Variants in PPM1H observed in about 807,000 individuals in gnomAD.
PPM1H encodes protein phosphatase, Mg2+/Mn2+ dependent 1H.
A neutral mutation model predicts 54.9 loss-of-function variants in PPM1H; 27 were observed. The observed-to-expected ratio is 0.49, with a 90% CI of 0.36 to 0.68. The LOEUF (loss-of-function observed/expected upper bound fraction) is 0.68. Among genes scored for constraint, PPM1H ranks in the 30% least tolerant of loss-of-function variants. The pLI is 0.00. For missense variants in PPM1H, 596 were observed against 667.8 expected, an observed-to-expected ratio of 0.89 and a Z score of 1.19; for synonymous variants, 305 against 270.8, an observed-to-expected ratio of 1.13 and a Z score of -1.24.
intron 4 of PPM1H, chr12:62,755,245 G>A: frequency 1.4e-6 from 1 of 723,142 alleles, no homozygotes; most frequent in South Asian, 1.4e-5. Context: ...GAAGATCAAA[G>A]TCAATGGATT....
chr12:62,737,383 C>T, intron 5 of PPM1H, 119 bp downstream of exon 5: 2 of 608,390 alleles, frequency 3.3e-6, no homozygotes, highest in Non-Finnish European at 2.8e-6. Context: ...GGAGTTAATA[C>T]CATATGTCAT....
chr12:62,680,290 T>TTACTTCCTTCCTC (rs1271200690), intron 8 of PPM1H, among the ~76,000 whole-genome samples: 130 of 147,240 alleles, frequency 8.8e-4, no homozygotes, highest in African/African-American at 3.1e-3. Context: ...CTTCCTTCCT[T>TTACTTCCTTCCTC]TACTTCCTTC....
chr12:62,931,754 C>A (rs905563681), intron 1 of PPM1H, among the ~76,000 whole-genome samples: 1 of 152,136 alleles, frequency 6.6e-6, no homozygotes, highest in Admixed American at 6.5e-5. Context: ...ATAGTGCCTA[C>A]CTCATTAGGC....
chr12:62,709,635 C>T (rs1041701739), intron 6 of PPM1H, among the ~76,000 whole-genome samples: 1 of 152,202 alleles, frequency 6.6e-6, no homozygotes, highest in African/African-American at 2.4e-5. Context: ...ACCACAGCCA[C>T]AGGCATTTTC....
At chr12:62,815,717 C>G (rs374375776) in intron 2 of PPM1H, among the ~76,000 whole-genome samples, 46 of 152,200 alleles carry the variant, frequency 3.0e-4, no homozygotes, top group African/African-American at 9.9e-4. Context: ...GAAATAGTAC[C>G]TGTTATAACC....
rs1265750986 is a variant in PPM1H at position 62,830,278 on chromosome 12, C to T, written c.411+1836G>A. Among the ~76,000 whole-genome samples, 16 of 151,844 alleles carry T rather than the reference C, an allele frequency of 1.1e-4. 1 individual carries two copies. The highest frequency in any genetic ancestry group is 5.8e-4 in the East Asian group (3 of 5,184). ...ATTTATTTATTTAATTTTTTTGAGA[C>T]GGAGTCTCGCTCTGTCACCCAGGCT... On this transcript the variant is annotated intron_variant, in intron 2 of 9. Coordinates refer to ENST00000228705, the MANE Select transcript of PPM1H (RefSeq NM_020700.2).
intron 6 of PPM1H, among the ~76,000 whole-genome samples, chr12:62,715,747 C>T (rs1225653043): frequency 6.6e-6 from 1 of 152,092 alleles, no homozygotes; most frequent in African/African-American, 2.4e-5. Context: ...AGAACTGGTC[C>T]TTTTGGGATC....
chr12:62,680,561 G>C (rs1481883951), intron 8 of PPM1H, among the ~76,000 whole-genome samples: 1 of 152,030 alleles, frequency 6.6e-6, no homozygotes, highest in Non-Finnish European at 1.5e-5. Flanking sequence ...AAACCACCTG[G>C]AGAGGCATGT....
intron 6 of PPM1H, among the ~76,000 whole-genome samples, chr12:62,699,487 T>C (rs551896986): frequency 1.3e-5 from 2 of 152,364 alleles, no homozygotes; most frequent in East Asian, 3.9e-4. Flanking sequence ...CGTAAGCCAC[T>C]ACACCGGGCA....
chr12:62,904,718 A>C (rs1456743547), intron 1 of PPM1H, among the ~76,000 whole-genome samples: 1 of 152,200 alleles, frequency 6.6e-6, no homozygotes, highest in African/African-American at 2.4e-5. Context: ...GGTGTGAGCT[A>C]TTCAGAGGTC....
Position 62,786,667 on chromosome 12 carries a change from G to A in PPM1H, c.869+1559C>T, listed in dbSNP as rs576104402. 2.7e-3 allele frequency among the ~76,000 whole-genome samples: 406 copies of A among 152,228 alleles called. 1 individual carries two copies. The highest frequency in any genetic ancestry group is 2.8e-3 in the Non-Finnish European group (191 of 68,020). On this transcript the variant is annotated intron_variant, in intron 4 of 9. Coordinates refer to ENST00000228705, the MANE Select transcript of PPM1H (RefSeq NM_020700.2). ...CCTGGGGACCTCAACACTCCTGGCC[G>A]GTTCTCTCTACCTCCTTCATTCACA...
chr12:62,931,731 T>C (rs996101547), intron 1 of PPM1H, among the ~76,000 whole-genome samples: 2 of 152,182 alleles, frequency 1.3e-5, no homozygotes, highest in African/African-American at 4.8e-5. Flanking sequence ...TTCTCAACTA[T>C]AATATGGAAA....
At chr12:62,823,946 G>A (rs1868257762) in intron 2 of PPM1H, among the ~76,000 whole-genome samples, 1 of 152,174 alleles carries the variant, frequency 6.6e-6, no homozygotes, top group African/African-American at 2.4e-5. Context: ...ATTAGGAAAT[G>A]AGGAAGTCAA....
chr12:62,783,046 G>A (rs2076650964), intron 4 of PPM1H, among the ~76,000 whole-genome samples: 1 of 152,024 alleles, frequency 6.6e-6, no homozygotes, highest in Non-Finnish European at 1.5e-5. Flanking sequence ...TGCCCAGGCT[G>A]GTCTGCAACT....
intron 4 of PPM1H, among the ~76,000 whole-genome samples, chr12:62,750,056 A>G (rs1468876813): frequency 3.2e-5 from 4 of 124,898 alleles, no homozygotes; most frequent in African/African-American, 1.0e-4. Context: ...TTCAAGGTGC[A>G]TATCATTTCT....
intron 2 of PPM1H, among the ~76,000 whole-genome samples, chr12:62,830,174 A>G (rs539276520): frequency 5.3e-5 from 8 of 152,322 alleles, no homozygotes; most frequent in African/African-American, 1.9e-4. Flanking sequence ...TCCACGGACT[A>G]CTGGAGTTCA....
intron 4 of PPM1H, among the ~76,000 whole-genome samples, chr12:62,777,313 A>G (rs1385814374): frequency 1.3e-5 from 2 of 152,174 alleles, no homozygotes; most frequent in African/African-American, 4.8e-5. Flanking sequence ...TGCCTGTTAC[A>G]CTGCATTGTA....
At chr12:62,683,407 A>C (rs2076034228) in intron 8 of PPM1H, among the ~76,000 whole-genome samples, 1 of 152,126 alleles carries the variant, frequency 6.6e-6, no homozygotes, top group Admixed American at 6.6e-5. Flanking sequence ...ACCCCACCTT[A>C]AGGAAGAGAA....
At chr12:62,683,458 T>C (rs2136630820) in intron 8 of PPM1H, among the ~76,000 whole-genome samples, 1 of 152,286 alleles carries the variant, frequency 6.6e-6, no homozygotes, top group East Asian at 1.9e-4. Context: ...CTGGTAACAC[T>C]GGTGCTGGGT....
Sources: gnomAD v4.1 joint callset for allele counts (sites outside exome capture counted in the v4.1 genomes callset) on GRCh38, gnomAD v4.1.1 for gene constraint, MANE v1.5 for transcripts, NCBI Gene and HGNC (gene_info 2026-07-23, HGNC 2026-07-21) for gene names.